Variants in GSK3B observed in about 807,000 individuals in gnomAD.
GSK3B encodes the protein glycogen synthase kinase-3 beta.
In GSK3B, 15 loss-of-function variants were observed where a neutral mutation model predicts 56.4. The ratio of observed to expected loss-of-function variants is 0.27; its 90% confidence interval spans 0.18 to 0.41. The LOEUF is 0.41. Ranked by LOEUF, GSK3B falls within the 10% of genes least tolerant of loss-of-function variation. GSK3B has a pLI of 1.00. For synonymous variants in GSK3B, 181 were observed against 188.9 expected (o/e 0.96, Z 0.34); for missense variants, 300 against 513.4 (o/e 0.58, Z 4.02).
At chr3:120,082,947 G>C (rs947436893) in intron 1 of GSK3B, among the ~76,000 whole-genome samples, 1 of 151,778 alleles carries the variant, frequency 6.6e-6, no homozygotes, top group Non-Finnish European at 1.5e-5. Context: ...TATTTCTTCT[G>C]AATAGCTCTA....
intron 9 of GSK3B, among the ~76,000 whole-genome samples, chr3:119,847,476 G>A (rs1369476175): frequency 4.6e-5 from 7 of 151,794 alleles, no homozygotes; most frequent in Non-Finnish European, 8.8e-5. Flanking sequence ...GCGAAACTCC[G>A]TCTCAAAAAC....
intron 3 of GSK3B, among the ~76,000 whole-genome samples, chr3:119,936,966 G>A (rs1476874969): frequency 6.6e-6 from 1 of 152,010 alleles, no homozygotes; most frequent in African/African-American, 2.4e-5. Flanking sequence ...ATAGGTCTAT[G>A]CAGGATAGAC....
intron 7 of GSK3B, among the ~76,000 whole-genome samples, chr3:119,902,018 G>T (rs1013724269): frequency 6.6e-6 from 1 of 152,162 alleles, no homozygotes; most frequent in Non-Finnish European, 1.5e-5. Context: ...AGTTTAATAC[G>T]AGTTCCCTAC....
At chr3:119,967,471 A>T (rs1015262904) in intron 2 of GSK3B, among the ~76,000 whole-genome samples, 2 of 152,204 alleles carry the variant, frequency 1.3e-5, no homozygotes, top group Non-Finnish European at 2.9e-5. Context: ...AATCTTGTAA[A>T]GAAGAAGTTG....
chr3:119,931,491 C>T (rs2056945185), intron 3 of GSK3B, among the ~76,000 whole-genome samples: 9 of 152,120 alleles, frequency 5.9e-5, no homozygotes, highest in Admixed American at 5.2e-4. Flanking sequence ...TGGCATGCAC[C>T]TGTAGTCCCA....
At chr3:120,062,055 G>C (rs2058241906) in intron 1 of GSK3B, among the ~76,000 whole-genome samples, 1 of 152,016 alleles carries the variant, frequency 6.6e-6, no homozygotes, top group Admixed American at 6.6e-5. Context: ...TTATCCTTTA[G>C]CAACATACCT....
chr3:119,821,501 G>T lies in GSK3B; in HGVS notation c.*5287C>A, dbSNP rs2055407915. ...ATGAGCAGACTCAAACACAACATGT[G>T]TTGGTTACCTGGGAGGTACAGCCCC... On this transcript the variant is annotated 3_prime_UTR_variant, in exon 11 of 11. Transcript: ENST00000264235. 6.6e-6 allele frequency: 1 copy of T among 152,118 alleles called. No individual in the cohort carries two copies. Among genetic ancestry groups the T allele is most frequent in the South Asian group, 2.1e-4 (1 of 4,834 alleles). The allele number at this position is 152,118 out of a possible 1,614,324, so 9.4% of individuals were successfully genotyped here.
intron 5 of GSK3B, among the ~76,000 whole-genome samples, chr3:119,915,332 T>C (rs1406805239): frequency 1.3e-5 from 2 of 152,066 alleles, no homozygotes; most frequent in South Asian, 2.1e-4. Context: ...CAGGAATGTA[T>C]AATAATCAAT....
At chr3:119,917,615 G>T (rs1190256638) in intron 4 of GSK3B, among the ~76,000 whole-genome samples, 1 of 150,502 alleles carries the variant, frequency 6.6e-6, no homozygotes, top group African/African-American at 2.4e-5. Context: ...ACTGTGTCAG[G>T]GTATTGATGT....
intron 2 of GSK3B, among the ~76,000 whole-genome samples, chr3:119,983,165 T>G (rs187775482): frequency 4.0e-4 from 61 of 152,278 alleles, no homozygotes; most frequent in Non-Finnish European, 7.6e-4. Flanking sequence ...TGAGAGACTT[T>G]GTCACCACCA....
chr3:119,976,121 G>A (rs150219223), intron 2 of GSK3B, among the ~76,000 whole-genome samples: 169 of 152,268 alleles, frequency 1.1e-3, no homozygotes, highest in African/African-American at 4.0e-3. Flanking sequence ...TTGGGGGATT[G>A]CTGCTTTAGA....
At chr3:120,054,091 C>T (rs979929810) in intron 1 of GSK3B, among the ~76,000 whole-genome samples, 2 of 151,946 alleles carry the variant, frequency 1.3e-5, no homozygotes, top group African/African-American at 4.8e-5. Context: ...ATAAAGGTAT[C>T]AAAAAAGATA....
chr3:120,050,362 G>A (rs1262324247), intron 1 of GSK3B, among the ~76,000 whole-genome samples: 1 of 152,216 alleles, frequency 6.6e-6, no homozygotes, highest in African/African-American at 2.4e-5. Flanking sequence ...CACAGAAGTT[G>A]CATTCTAATA....
intron 2 of GSK3B, among the ~76,000 whole-genome samples, chr3:119,968,800 G>A (rs571647595): frequency 6.6e-6 from 1 of 152,178 alleles, no homozygotes; most frequent in South Asian, 2.1e-4. Flanking sequence ...TGCCTGTGAA[G>A]AAAACCTCAA....
chr3:119,848,218 C>T (rs1270661789), intron 9 of GSK3B, among the ~76,000 whole-genome samples: 4 of 152,112 alleles, frequency 2.6e-5, no homozygotes, highest in Non-Finnish European at 2.9e-5. Context: ...GACTGTTCTC[C>T]CAGTTACCTG....
intron 7 of GSK3B, among the ~76,000 whole-genome samples, chr3:119,889,822 T>C (rs981538935): frequency 7.9e-5 from 12 of 151,804 alleles, no homozygotes; most frequent in African/African-American, 2.2e-4. Flanking sequence ...TTAAAACACA[T>C]AGAGTAAAAG....
At chr3:120,036,513 G>A (rs2058024287) in intron 1 of GSK3B, among the ~76,000 whole-genome samples, 1 of 152,002 alleles carries the variant, frequency 6.6e-6, no homozygotes, top group Non-Finnish European at 1.5e-5. Flanking sequence ...AAGCAAATCT[G>A]GCTGGGCAGT....
chr3:119,999,107 AT>A (rs1462638760), intron 2 of GSK3B, among the ~76,000 whole-genome samples: 1 of 152,270 alleles, frequency 6.6e-6, no homozygotes, highest in African/African-American at 2.4e-5. Flanking sequence ...ACAATGGCTA[AT>A]TAGGGTATAT....
At position 119,821,376 on chromosome 3, in the gene GSK3B, TTTAGA is replaced by T. The variant is rs1261507696; in HGVS notation, c.*5407_*5411del. 6.6e-6 allele frequency: 1 copy of T among 152,232 alleles called. No homozygotes were observed. Among genetic ancestry groups the T allele is most frequent in the Non-Finnish European group, 1.5e-5 (1 of 68,046 alleles). 9.4% of individuals were successfully genotyped at this position (152,232 alleles called of 1,614,324 possible). ...CAGTCACATGACCTTATATCTAGCC[TTTAGA>T]TTAGGCCTGACAGAGTGAGCCAGCC... On this transcript the variant is annotated 3_prime_UTR_variant, in exon 11 of 11. Transcript: ENST00000264235.
Sources: gnomAD v4.1 joint callset for allele counts (sites outside exome capture counted in the v4.1 genomes callset) on GRCh38, gnomAD v4.1.1 for gene constraint, MANE v1.5 for transcripts, NCBI Gene and HGNC (gene_info 2026-07-23, HGNC 2026-07-21) for gene names.